The following TRAPPC9 variants were observed in gnomAD, a reference collection of about 807,000 sequenced individuals.
TRAPPC9 encodes the protein IKK2 binding protein.
A neutral mutation model predicts 124.0 loss-of-function variants in TRAPPC9; 83 were observed. The observed-to-expected ratio is 0.67, with a 90% confidence interval of 0.56 to 0.80. The LOEUF (loss-of-function observed/expected upper bound fraction) is 0.80, where lower values mean the gene tolerates loss of function less well. TRAPPC9 is among the 30% of genes least tolerant of loss of function. The pLI is 0.00. For synonymous variants in TRAPPC9, 638 were observed against 617.5 expected, an observed-to-expected ratio of 1.03 and a Z score of -0.49; for missense variants, 1,302 against 1,508.3, an observed-to-expected ratio of 0.86 and a Z score of 2.27.
intron 4 of TRAPPC9, among the ~76,000 whole-genome samples, chr8:140,427,379 TCACACACACACACACA>T (rs60720377): frequency 6.7e-6 from 1 of 148,454 alleles, no homozygotes; most frequent in Non-Finnish European, 1.5e-5. Context: ...TATCTCTCTC[TCACACACACACACACA>T]CACACACACA....
rs935537571 is a variant in TRAPPC9, at chr8:139,731,941, C to A, written c.3279+38G>T. 27 of 1,542,294 alleles carry A rather than the reference C, an allele frequency of 1.8e-5. No individual in the cohort carries two copies. In the Admixed American group the frequency reaches 4.1e-4, roughly 23 times the overall value. On this transcript the variant is annotated intron_variant, in intron 22 of 22. Coordinates refer to ENST00000438773, the MANE Select transcript of TRAPPC9 (RefSeq NM_001160372.4). ...GGAAGGGGGGATGATGACCACATGGCCAGAGGCTCCCAGACCGCCTTGCAC... is the reference window on the plus strand; with the variant it reads ...GGAAGGGGGGATGATGACCACATGGACAGAGGCTCCCAGACCGCCTTGCAC...
chr8:140,062,176 G>C (rs1305796592), intron 17 of TRAPPC9, among the ~76,000 whole-genome samples: 1 of 152,094 alleles, frequency 6.6e-6, no homozygotes, highest in Non-Finnish European at 1.5e-5. Flanking sequence ...ATGGGGCCTG[G>C]GATGGACCTG....
chr8:139,969,202 G>C (rs186431420), intron 19 of TRAPPC9, among the ~76,000 whole-genome samples: 189 of 152,382 alleles, frequency 1.2e-3, no homozygotes, highest in African/African-American at 4.2e-3. Context: ...CAGTGTCGCT[G>C]CTTTGGGCAT....
At position 140,213,958 on chromosome 8, in the gene TRAPPC9, A is replaced by G. The variant is rs570457010; in HGVS notation, c.2556+7501T>C. ...TGGTGTCCGCTCCCTGACTGTTCAC[A>G]GTCGTTCCAGCCACTTGGAATGCTT... On this transcript the variant is annotated intron_variant, in intron 17 of 22. Coordinates refer to ENST00000438773, the MANE Select transcript of TRAPPC9 (RefSeq NM_001160372.4). 2.0e-5 allele frequency among the ~76,000 whole-genome samples: 3 copies of G among 152,308 alleles called. No homozygotes were observed. In the East Asian group the frequency reaches 5.8e-4, roughly 29 times the overall value.
intron 21 of TRAPPC9, among the ~76,000 whole-genome samples, chr8:139,757,764 G>T (rs1402960518): frequency 2.0e-5 from 3 of 152,080 alleles, no homozygotes; most frequent in African/African-American, 4.8e-5. Flanking sequence ...AGTGCAGAGA[G>T]GACCTTCTAC....
chr8:140,206,586 C>T (rs1460753068), intron 17 of TRAPPC9, among the ~76,000 whole-genome samples: 1 of 152,022 alleles, frequency 6.6e-6, no homozygotes, highest in Non-Finnish European at 1.5e-5. Context: ...CCCTTACGGT[C>T]TTAAGGTGGC....
intron 5 of TRAPPC9, among the ~76,000 whole-genome samples, chr8:140,421,352 G>C (rs1374284273): frequency 6.6e-6 from 1 of 152,150 alleles, no homozygotes; most frequent in Non-Finnish European, 1.5e-5. Flanking sequence ...TTTAAATTAT[G>C]ACAGGTAATC....
At chr8:139,993,334 T>C (rs1837761780) in intron 18 of TRAPPC9, among the ~76,000 whole-genome samples, 1 of 152,170 alleles carries the variant, frequency 6.6e-6, no homozygotes, top group South Asian at 2.1e-4. Flanking sequence ...AACTAGTAGT[T>C]AGAGAAATGG....
chr8:140,245,004 C>T (rs2063946091), intron 16 of TRAPPC9, among the ~76,000 whole-genome samples: 1 of 151,902 alleles, frequency 6.6e-6, no homozygotes, highest in South Asian at 2.1e-4. Context: ...CGGGGTTTCA[C>T]CATGTTGGCC....
intron 17 of TRAPPC9, among the ~76,000 whole-genome samples, chr8:140,093,150 A>T (rs1844685353): frequency 6.6e-6 from 1 of 152,202 alleles, no homozygotes; most frequent in Non-Finnish European, 1.5e-5. Flanking sequence ...ATCTGGGATA[A>T]GGACCTTTCC....
At chr8:139,903,258 G>A (rs1052719194) in intron 20 of TRAPPC9, among the ~76,000 whole-genome samples, 8 of 152,130 alleles carry the variant, frequency 5.3e-5, no homozygotes, top group African/African-American at 1.7e-4. Context: ...CATTTGCCTT[G>A]GGCTTCTCCA....
chr8:139,738,539 T>C (rs886745123), intron 21 of TRAPPC9, among the ~76,000 whole-genome samples: 1 of 152,154 alleles, frequency 6.6e-6, no homozygotes, highest in Admixed American at 6.5e-5. Flanking sequence ...CGCTGCTGGC[T>C]ATGAAGACGG....
intron 19 of TRAPPC9, among the ~76,000 whole-genome samples, chr8:139,922,448 C>T (rs1047944005): frequency 6.6e-5 from 10 of 152,380 alleles, no homozygotes; most frequent in Non-Finnish European, 1.0e-4. Flanking sequence ...TCCCAATGTG[C>T]TGGGATTACA....
intron 2 of TRAPPC9, among the ~76,000 whole-genome samples, chr8:140,448,290 T>G (rs546975239): frequency 1.3e-5 from 2 of 152,326 alleles, no homozygotes; most frequent in South Asian, 4.1e-4. Context: ...GATGTCTAAT[T>G]GCGGCTGTCC....
upstream of TRAPPC9, chr8:140,458,462 G>A (rs1422899440): frequency 6.4e-7 from 1 of 1,572,676 alleles, no homozygotes; most frequent in Admixed American, 1.9e-5. Context: ...GCCTGGGAGC[G>A]CCTCCAGGAT....
At chr8:139,832,549 C>T (rs954655901) in intron 21 of TRAPPC9, among the ~76,000 whole-genome samples, 2 of 152,154 alleles carry the variant, frequency 1.3e-5, no homozygotes, top group African/African-American at 4.8e-5. Context: ...CCCCAGCCTC[C>T]CCAGGACTCA....
At chr8:140,225,843 C>T (rs10081414) in intron 16 of TRAPPC9, among the ~76,000 whole-genome samples, 5,376 of 152,266 alleles carry the variant, frequency 0.035, 187 homozygotes, top group African/African-American at 0.083. Flanking sequence ...GTAATACAGC[C>T]TGGCCAGCTC....
At chr8:140,067,434 C>T (rs1019839847) in intron 17 of TRAPPC9, among the ~76,000 whole-genome samples, 50 of 152,172 alleles carry the variant, frequency 3.3e-4, no homozygotes, top group African/African-American at 1.1e-3. Context: ...TGAGCCACCA[C>T]GCCCCACCAA....
At chr8:139,926,611 A>AAT (rs1554674026) in intron 19 of TRAPPC9, among the ~76,000 whole-genome samples, 3 of 151,286 alleles carry the variant, frequency 2.0e-5, no homozygotes, top group Non-Finnish European at 3.0e-5. Context: ...TTAAAATAAA[A>AAT]AAAAAAAAAA....
Sources: gnomAD v4.1 joint callset for allele counts (sites outside exome capture counted in the v4.1 genomes callset) on GRCh38, gnomAD v4.1.1 for gene constraint, MANE v1.5 for transcripts, NCBI Gene and HGNC (gene_info 2026-07-23, HGNC 2026-07-21) for gene names.